The following PLAGL1 variants were observed in gnomAD, a reference collection of about 807,000 sequenced individuals.
PLAGL1 encodes zinc finger protein PLAGL1.
Under a neutral mutation model 4.6 loss-of-function variants are expected in PLAGL1, and 1 was observed. The ratio of observed to expected loss-of-function variants is 0.22; its 90% CI spans 0.08 to 1.03. The LOEUF (loss-of-function observed/expected upper bound fraction) is 1.03. Among genes scored for constraint, PLAGL1 ranks in the 50% least tolerant of loss-of-function variants. PLAGL1 has a pLI of 0.58. For synonymous variants in PLAGL1, 240 were observed against 237.8 expected (o/e 1.01, Z -0.08); for missense variants, 464 against 570.4 (o/e 0.81, Z 1.90).
At chr6:143,969,025 A>G (rs1320364397) in intron 2 of PLAGL1, 47 bp from the exon 3 acceptor site, 1 of 152,132 alleles carries the variant, frequency 6.6e-6, no homozygotes, top group Non-Finnish European at 1.5e-5. Flanking sequence ...AAAAGCATCA[A>G]GAAAAAACAC....
In PLAGL1 at chr6:143,957,299, T is replaced by TC. The variant is rs1191134329; in HGVS notation, c.-325+3169_-325+3170insG. Among the ~76,000 whole-genome samples, 4 of 151,906 alleles carry TC rather than the reference T, an allele frequency of 2.6e-5. No individual in the cohort carries two copies. The highest frequency in any genetic ancestry group is 9.7e-5 in the African/African-American group (4 of 41,306). ...TGAATGAAGACTCTCAGGAGTCTGG[T>TC]GGGGGGGTGAGGGGTGGAGAGCAAC... On this transcript the variant is annotated intron_variant, in intron 6 of 7. Transcript: ENST00000674357. This position sits in a 1 kb window ranked among gnomAD's most constrained non-coding sequence, Gnocchi z 4.2.
In PLAGL1 at chr6:144,063,826, G is replaced by C. The variant is rs1029944726; in HGVS notation, c.-151+642C>G. Among the ~76,000 whole-genome samples, 3 of 152,184 alleles carry C rather than the reference G, an allele frequency of 2.0e-5. No homozygotes were observed. Among genetic ancestry groups the C allele is most frequent in the African/African-American group, 7.2e-5 (3 of 41,456 alleles). On this transcript the variant is annotated intron_variant, in intron 1 of 3. Transcript: ENST00000437412. This position sits in a 1 kb window ranked among gnomAD's most constrained non-coding sequence, Gnocchi z 5.7. ...CGTGTCCTGCCCGCCCCCATCAGGG[G>C]AGTCCTGCTCTCGAAATTATCCCGC...
Position 144,027,629 on chromosome 6 carries a change from A to C in PLAGL1, c.-151+36839T>G, listed in dbSNP as rs1456109184. ...CCACAGTCAAATTCTAAGACTGTAC[A>C]GTGCTTTGATTTACACAAATATAAC... On this transcript the variant is annotated intron_variant, in intron 1 of 3. Transcript: ENST00000437412. This position sits in a 1 kb window ranked among gnomAD's most constrained non-coding sequence, Gnocchi z 5.8. Among the ~76,000 whole-genome samples the C allele has an allele frequency of 6.6e-6, 1 of 152,246 alleles. No individual in the cohort carries two copies. The highest frequency in any genetic ancestry group is 2.4e-5 in the African/African-American group (1 of 41,468).
At chr6:144,003,355 T>C (rs955040097) in intron 1 of PLAGL1, among the ~76,000 whole-genome samples, 1 of 152,144 alleles carries the variant, frequency 6.6e-6, no homozygotes, top group Admixed American at 6.5e-5. Flanking sequence ...CTGGGCGCGG[T>C]GGCTCACACC....
chr6:144,031,372 T>C (rs1796819377), intron 1 of PLAGL1, among the ~76,000 whole-genome samples: 1 of 152,248 alleles, frequency 6.6e-6, no homozygotes, highest in Non-Finnish European at 1.5e-5. Flanking sequence ...CATCTATTTA[T>C]ATTTGTTTTT....
intron 1 of PLAGL1, among the ~76,000 whole-genome samples, chr6:143,998,908 A>G (rs1792251640): frequency 6.6e-6 from 1 of 152,196 alleles, no homozygotes; most frequent in Non-Finnish European, 1.5e-5. Flanking sequence ...AAATCGGAGA[A>G]GGCCAGTAAA....
Position 143,957,815 on chromosome 6 carries a change from A to T in PLAGL1, c.-325+2654T>A, listed in dbSNP as rs1782472950. ...CCTAAAATAACATATCACTAAATAAACAGAAAAAGGCCTTGAAGTACAGAT... is the reference window on the plus strand; with the variant it reads ...CCTAAAATAACATATCACTAAATAATCAGAAAAAGGCCTTGAAGTACAGAT... On this transcript the variant is annotated intron_variant, in intron 6 of 7. Coordinates refer to ENST00000674357, the MANE Select transcript of PLAGL1 (RefSeq NM_001317162.2). The surrounding 1 kb of genome is among the most constrained non-coding windows in gnomAD (Gnocchi z 4.2). 6.6e-6 allele frequency among the ~76,000 whole-genome samples: 1 copy of T among 152,222 alleles called. No individual in the cohort carries two copies. The highest frequency in any genetic ancestry group is 6.5e-5 in the Admixed American group (1 of 15,286).
chr6:143,956,110 T>A (rs1351083909), intron 6 of PLAGL1, among the ~76,000 whole-genome samples: 1 of 152,222 alleles, frequency 6.6e-6, no homozygotes, highest in African/African-American at 2.4e-5. Flanking sequence ...ACCTAACTTA[T>A]ACAGGCGATT....
chr6:144,008,378 CGAG>C (rs1178040543), upstream of PLAGL1: 1 of 151,878 alleles, frequency 6.6e-6, no homozygotes, highest in East Asian at 1.9e-4. The surrounding 1 kb of genome is among the most constrained non-coding windows in gnomAD (Gnocchi z 6.9). Flanking sequence ...ATGGCTGCGC[CGAG>C]GAGGCCGCGC....
intron 1 of PLAGL1, among the ~76,000 whole-genome samples, chr6:144,052,877 C>T (rs539120084): frequency 6.6e-6 from 1 of 152,128 alleles, no homozygotes; most frequent in East Asian, 1.9e-4. Flanking sequence ...ACATTGGTGC[C>T]CTCTTAGAAC....
At chr6:143,980,025 T>A (rs1787563745) in intron 2 of PLAGL1, among the ~76,000 whole-genome samples, 1 of 152,160 alleles carries the variant, frequency 6.6e-6, no homozygotes, top group South Asian at 2.1e-4. Flanking sequence ...TAGCTTTCAC[T>A]ACTTGGAAGG....
rs549136514 is a variant in PLAGL1, at chr6:143,970,610, C to T, written c.-543-1632G>A. 2.8e-4 allele frequency among the ~76,000 whole-genome samples: 43 copies of T among 152,018 alleles called. 1 individual carries two copies. In the Middle Eastern group the frequency reaches 0.017, roughly 60 times the overall value. On this transcript the variant is annotated intron_variant, in intron 2 of 7. Coordinates refer to ENST00000674357, the MANE Select transcript of PLAGL1 (RefSeq NM_001317162.2). This position sits in a 1 kb window ranked among gnomAD's most constrained non-coding sequence, Gnocchi z 5.8. ...GCTTTATTTGGTCAGTCTGGGTGGACGGGAAACTGTCTAAGAGGGAAATAT... is the reference window on the plus strand; with the variant it reads ...GCTTTATTTGGTCAGTCTGGGTGGATGGGAAACTGTCTAAGAGGGAAATAT...
chr6:144,015,865 A>G lies in PLAGL1; in HGVS notation c.-150-46887T>C, dbSNP rs1328215456. On this transcript the variant is annotated intron_variant, in intron 1 of 3. Coordinates refer to the PLAGL1 transcript ENST00000437412. The surrounding 1 kb of genome is among the most constrained non-coding windows in gnomAD (Gnocchi z 4.3). ...CATACTCTTATTATATGACCCAGCA[A>G]TCTCAGTCTTAGGTATTTTATCCAA... Among the ~76,000 whole-genome samples the G allele has an allele frequency of 6.6e-6, 1 of 152,198 alleles. No homozygotes were observed. The highest frequency in any genetic ancestry group is 1.5e-5 in the Non-Finnish European group (1 of 68,040).
chr6:143,999,038 A>G (rs148788758), intron 1 of PLAGL1, among the ~76,000 whole-genome samples: 1 of 152,282 alleles, frequency 6.6e-6, no homozygotes, highest in East Asian at 1.9e-4. Flanking sequence ...GTCACTACAC[A>G]TGATAGGAAG....
intron 1 of PLAGL1, among the ~76,000 whole-genome samples, chr6:144,060,152 A>C (rs989949703): frequency 2.2e-4 from 34 of 151,954 alleles, no homozygotes; most frequent in African/African-American, 7.7e-4. Context: ...GACTCAAGCA[A>C]TACTCCCACC....
At chr6:144,020,603 G>A (rs922827830) in intron 1 of PLAGL1, among the ~76,000 whole-genome samples, 9 of 150,912 alleles carry the variant, frequency 6.0e-5, no homozygotes, top group Non-Finnish European at 8.9e-5. Context: ...TGTTTTTAAT[G>A]TTAATTTTAT....
rs1200374957 is a variant in PLAGL1, at chr6:143,947,908, G to T, written c.152+77C>A. On this transcript the variant is annotated intron_variant, in intron 7 of 7. Transcript: ENST00000674357. The surrounding 1 kb of genome is among the most constrained non-coding windows in gnomAD (Gnocchi z 4.3). ...CCATATCCTGTGTCCCTTTCCCCTT[G>T]CATCGTGTGGTCTGAGGGCTAGAAA... 2.5e-6 allele frequency: 3 copies of T among 1,204,376 alleles called. No homozygotes were observed. In the African/African-American group the frequency reaches 4.5e-5, roughly 18 times the overall value. The allele number at this position is 1,204,376 out of a possible 1,614,324, so 74.6% of individuals were successfully genotyped here.
Position 143,961,142 on chromosome 6 carries a change from A to G in PLAGL1, c.-398-600T>C, listed in dbSNP as rs1237198093. 1.3e-5 allele frequency: 2 copies of G among 152,254 alleles called. No individual in the cohort carries two copies. Among genetic ancestry groups the G allele is most frequent in the African/African-American group, 4.8e-5 (2 of 41,470 alleles). The allele number at this position is 152,254 out of a possible 1,614,324, so 9.4% of individuals were successfully genotyped here. A position where few individuals can be genotyped will look rare whatever the true frequency, so the allele number is the denominator to read the frequency against. On this transcript the variant is annotated intron_variant, in intron 5 of 7. Coordinates refer to ENST00000674357, the MANE Select transcript of PLAGL1 (RefSeq NM_001317162.2). The surrounding 1 kb of genome is among the most constrained non-coding windows in gnomAD (Gnocchi z 6.5). ...AGGGCAAATCAGTACAGACTAAAAC[A>G]GCATCACTGGGACCCCAGGAATTTA...
In PLAGL1 at chr6:143,952,017, A is replaced by G. The variant is rs1781168103; in HGVS notation, c.-324-3557T>C. Among the ~76,000 whole-genome samples the G allele has an allele frequency of 6.7e-6, 1 of 149,922 alleles. No homozygotes were observed. Among genetic ancestry groups the G allele is most frequent in the Non-Finnish European group, 1.5e-5 (1 of 67,976 alleles). On this transcript the variant is annotated intron_variant, in intron 6 of 7. Coordinates refer to ENST00000674357, the MANE Select transcript of PLAGL1 (RefSeq NM_001317162.2). This position sits in a 1 kb window ranked among gnomAD's most constrained non-coding sequence, Gnocchi z 6.1. Reference sequence around the variant, plus strand: ...GAATACAAATATTTGTTTTCATGATATAATAATAAACTTCTGTAAAAACAA... The same window carrying G: ...GAATACAAATATTTGTTTTCATGATGTAATAATAAACTTCTGTAAAAACAA...
Sources: gnomAD v4.1 joint callset for allele counts (sites outside exome capture counted in the v4.1 genomes callset) on GRCh38, gnomAD v4.1.1 for gene constraint, Gnocchi (gnomAD v3.1) non-coding constraint, MANE v1.5 for transcripts, NCBI Gene and HGNC (gene_info 2026-07-23, HGNC 2026-07-21) for gene names.